The following KCNIP4 variants were observed in gnomAD, a reference collection of about 807,000 sequenced individuals.
KCNIP4 encodes potassium voltage-gated channel interacting protein 4.
Under a neutral mutation model 34.0 loss-of-function variants are expected in KCNIP4, and 12 were observed. That is an observed-to-expected ratio of 0.35 (90% CI 0.23 to 0.57). The LOEUF is 0.57. Among genes scored for constraint, KCNIP4 ranks in the 20% least tolerant of loss-of-function variants. The pLI is 0.83. For synonymous variants in KCNIP4, 124 were observed against 102.2 expected, an observed-to-expected ratio of 1.21 and a Z score of -1.29; for missense variants, 238 against 311.7, an observed-to-expected ratio of 0.76 and a Z score of 1.78.
chr4:21,482,737 C>G (rs1027630565), intron 1 of KCNIP4, among the ~76,000 whole-genome samples: 2 of 151,986 alleles, frequency 1.3e-5, no homozygotes, highest in Non-Finnish European at 2.9e-5. Context: ...CTCTGGCTAC[C>G]CTTAACATTT....
At chr4:21,257,881 G>A (rs769610664) in intron 1 of KCNIP4, among the ~76,000 whole-genome samples, 1 of 152,154 alleles carries the variant, frequency 6.6e-6, no homozygotes, top group African/African-American at 2.4e-5. Context: ...AACACTGCCA[G>A]ACATAGCCAT....
intron 1 of KCNIP4, among the ~76,000 whole-genome samples, chr4:20,948,927 A>C (rs918669643): frequency 6.6e-6 from 1 of 152,146 alleles, no homozygotes; most frequent in Non-Finnish European, 1.5e-5. Context: ...TACAGAATAC[A>C]TTTCAAGCCA....
In KCNIP4 at chr4:21,791,933, C is replaced by T. The variant is rs545768694; in HGVS notation, c.61+156638G>A. Among the ~76,000 whole-genome samples the T allele has an allele frequency of 2.5e-3, 311 of 123,704 alleles. 1 individual carries two copies. Among genetic ancestry groups the T allele is most frequent in the African/African-American group, 9.0e-3 (297 of 32,840 alleles). The allele number at this position is 123,704 out of a possible 152,430, so 81.2% of individuals were successfully genotyped here. ...AGGAGAATCACTTGAACTCGGGAGG[C>T]GGAGGTTGCAGTGAGCCGAGATTGC... On this transcript the variant is annotated intron_variant, in intron 1 of 8. Coordinates refer to ENST00000382152, the MANE Select transcript of KCNIP4 (RefSeq NM_025221.6).
chr4:21,328,776 A>C (rs1383849555), intron 1 of KCNIP4, among the ~76,000 whole-genome samples: 2 of 152,208 alleles, frequency 1.3e-5, no homozygotes, highest in African/African-American at 4.8e-5. Flanking sequence ...ACTGTGACTG[A>C]GCTGGCACTC....
chr4:21,795,490 A>G (rs1720564118), intron 1 of KCNIP4, among the ~76,000 whole-genome samples: 1 of 152,188 alleles, frequency 6.6e-6, no homozygotes, highest in South Asian at 2.1e-4. Context: ...ACTAATATAG[A>G]ATCTGACTTT....
At chr4:21,157,815 G>T (rs1291209094) in intron 1 of KCNIP4, among the ~76,000 whole-genome samples, 2 of 151,456 alleles carry the variant, frequency 1.3e-5, no homozygotes, top group East Asian at 1.9e-4. Flanking sequence ...GTAAGCAAAA[G>T]GTAATGATAT....
chr4:21,782,929 T>C (rs1719662260), intron 1 of KCNIP4, among the ~76,000 whole-genome samples: 1 of 152,142 alleles, frequency 6.6e-6, no homozygotes, highest in South Asian at 2.1e-4. Context: ...AAACATTATA[T>C]GATCCATGTA....
chr4:20,856,794 G>C (rs191485836), intron 2 of KCNIP4, among the ~76,000 whole-genome samples: 29 of 152,210 alleles, frequency 1.9e-4, no homozygotes, highest in African/African-American at 6.0e-4. Flanking sequence ...CAAAAGTAGA[G>C]GGGATTTTAA....
At chr4:21,179,255 T>G (rs1754667672) in intron 1 of KCNIP4, among the ~76,000 whole-genome samples, 2 of 152,236 alleles carry the variant, frequency 1.3e-5, no homozygotes, top group Middle Eastern at 3.2e-3. Context: ...CCATCATTTT[T>G]CCTTGCTTCT....
chr4:20,892,993 A>C (rs1726106872), intron 1 of KCNIP4, among the ~76,000 whole-genome samples: 1 of 152,178 alleles, frequency 6.6e-6, no homozygotes. Flanking sequence ...AAATAGGGTG[A>C]CAAGACCTTC....
chr4:21,077,388 T>A (rs1483477341), intron 1 of KCNIP4, among the ~76,000 whole-genome samples: 1 of 152,162 alleles, frequency 6.6e-6, no homozygotes, highest in East Asian at 1.9e-4. Context: ...TGCCTTCTCA[T>A]TCTATTCTCA....
At chr4:20,794,699 C>G (rs1178127154) in intron 3 of KCNIP4, among the ~76,000 whole-genome samples, 1 of 152,108 alleles carries the variant, frequency 6.6e-6, no homozygotes, top group East Asian at 1.9e-4. Context: ...ATTTCTCGAT[C>G]TCTGTGTGGG....
chr4:21,816,403 G>T (rs1461237349), intron 1 of KCNIP4, among the ~76,000 whole-genome samples: 1 of 152,050 alleles, frequency 6.6e-6, no homozygotes. Context: ...GAAGAGGAAA[G>T]GTGAGGACCT....
chr4:20,808,520 G>C (rs1167969784), intron 3 of KCNIP4, among the ~76,000 whole-genome samples: 1 of 152,156 alleles, frequency 6.6e-6, no homozygotes, highest in South Asian at 2.1e-4. Context: ...ATAATTATTT[G>C]CATGTAGTTA....
chr4:20,974,316 C>T (rs1301568090), intron 1 of KCNIP4, among the ~76,000 whole-genome samples: 2 of 152,204 alleles, frequency 1.3e-5, no homozygotes, highest in African/African-American at 4.8e-5. Context: ...ATTTGAGGGA[C>T]AGTGCATCAG....
intron 1 of KCNIP4, among the ~76,000 whole-genome samples, chr4:20,923,134 G>T (rs2149589075): frequency 6.6e-6 from 1 of 152,194 alleles, no homozygotes; most frequent in Non-Finnish European, 1.5e-5. Context: ...TAAAGGCCAA[G>T]AATCATTTAC....
chr4:21,011,300 G>A (rs2149732415), intron 1 of KCNIP4, among the ~76,000 whole-genome samples: 1 of 152,286 alleles, frequency 6.6e-6, no homozygotes, highest in Admixed American at 6.5e-5. Context: ...ACTGACTCAA[G>A]ATTTCATACA....
chr4:21,581,530 C>T (rs768337224), intron 1 of KCNIP4, among the ~76,000 whole-genome samples: 2 of 151,966 alleles, frequency 1.3e-5, no homozygotes, highest in South Asian at 2.1e-4. Flanking sequence ...TCTGTAGAAT[C>T]GGGAAAAGTA....
intron 1 of KCNIP4, among the ~76,000 whole-genome samples, chr4:21,460,477 T>C (rs1395238651): frequency 6.6e-6 from 1 of 152,082 alleles, no homozygotes; most frequent in East Asian, 1.9e-4. Flanking sequence ...AATTTATTTC[T>C]CATAGTTCTG....
Sources: gnomAD v4.1 joint callset for allele counts (sites outside exome capture counted in the v4.1 genomes callset) on GRCh38, gnomAD v4.1.1 for gene constraint, MANE v1.5 for transcripts, NCBI Gene and HGNC (gene_info 2026-07-23, HGNC 2026-07-21) for gene names.